ZNF468: variants seen among roughly 807,000 people sequenced by gnomAD.
ZNF468 encodes zinc finger protein 468.
In ZNF468, 8 loss-of-function variants were observed where a neutral mutation model predicts 7.2. The ratio of observed to expected loss-of-function variants is 1.11; its 90% CI spans 0.65 to 2.01. The LOEUF (loss-of-function observed/expected upper bound fraction) is 2.01, where lower values mean the gene tolerates loss of function less well. ZNF468 is among the 30% of genes most tolerant of loss of function. ZNF468 has a pLI of 0.00. For missense variants in ZNF468, 608 were observed against 626.5 expected, an observed-to-expected ratio of 0.97 and a Z score of 0.31; for synonymous variants, 218 against 214.4, an observed-to-expected ratio of 1.02 and a Z score of -0.15.
chr19:52,849,035 G>C, intron 3 of ZNF468, 52 bp downstream of exon 3: 1 of 1,602,304 alleles, frequency 6.2e-7, no homozygotes. Context: ...GACAATAAGA[G>C]AAAATGCAAA....
At position 52,841,666 on chromosome 19, in the gene ZNF468, T is replaced by G. The variant is rs58239286; in HGVS notation, c.628A>C (p.Met210Leu). 293,627 of 1,613,830 alleles carry G rather than the reference T, an allele frequency of 0.18. 30,249 individuals carry two copies. Among genetic ancestry groups the G allele is most frequent in the South Asian group, 0.36 (32,801 of 91,024 alleles). Residue 210 changes from methionine (M) to leucine (L), a missense_variant, in exon 4 of 4, where the codon ATG becomes CTG. Physicochemically the swap from Met to Leu is conservative, Grantham distance 15 (BLOSUM62 2). Transcript: ENST00000595646. Reference sequence around the variant, plus strand: ...ATACATTCAAAAGATTTTTCTCTCATGTGTACTTCCCATTTTTGTGTGAGT... The same window carrying G: ...ATACATTCAAAAGATTTTTCTCTCAGGTGTACTTCCCATTTTTGTGTGAGT... ...SLLTQKWEVH[M>L]REKSFECIQS...
chr19:52,854,196 T>C lies in ZNF468; in HGVS notation c.15+62A>G, dbSNP rs1348648015. 4 of 1,612,076 alleles carry C rather than the reference T, an allele frequency of 2.5e-6. No individual in the cohort carries two copies. In the African/African-American group the frequency reaches 5.3e-5, roughly 22 times the overall value. On this transcript the variant is annotated intron_variant, in intron 2 of 3. Coordinates refer to ENST00000595646, the MANE Select transcript of ZNF468 (RefSeq NM_001008801.2). ...TCATTCAGACCCAGACATTCCCAAC[T>C]CCAAGGCCCAGGGTATCTGAAAGGA...
rs2063299709 is a variant in ZNF468, at chr19:52,841,497, G to C, written c.797C>G (p.Thr266Ser). 1 of 1,614,154 alleles carries C rather than the reference G, an allele frequency of 6.2e-7. No individual in the cohort carries two copies. The highest frequency in any genetic ancestry group is 8.5e-7 in the Non-Finnish European group (1 of 1,180,018). ...ATTACACTTGTAAGGTTTCTCACCAGTGTGACATCTACGATGGCAGGCAAG... is the reference window on the plus strand; with the variant it reads ...ATTACACTTGTAAGGTTTCTCACCACTGTGACATCTACGATGGCAGGCAAG... ...RYLACHRRCH[T>S]GEKPYKCNEC... The change falls in exon 4 of 4, where the codon ACT becomes AGT. Residue 266 changes from threonine to serine, a missense_variant. Thr to Ser is a moderately conservative substitution (Grantham distance 58). Coordinates refer to ENST00000595646, the MANE Select transcript of ZNF468 (RefSeq NM_001008801.2).
chr19:52,842,769 T>C (rs62117471), intron 3 of ZNF468, among the ~76,000 whole-genome samples: 27,877 of 134,612 alleles, frequency 0.21, 3,179 homozygotes, highest in South Asian at 0.37. Flanking sequence ...TTAGCTAAGA[T>C]TGCATCACTC....
Position 52,839,567 on chromosome 19 carries a change from G to C in ZNF468, c.*1158C>G. 1 of 526,950 alleles carries C rather than the reference G, an allele frequency of 1.9e-6. No homozygotes were observed. The highest frequency in any genetic ancestry group is 3.8e-6 in the Non-Finnish European group (1 of 260,246). The allele number at this position is 526,950 out of a possible 1,614,324, so 32.6% of individuals were successfully genotyped here. On this transcript the variant is annotated 3_prime_UTR_variant, in exon 4 of 4. Coordinates refer to ENST00000595646, the MANE Select transcript of ZNF468 (RefSeq NM_001008801.2). ...TGTCTCCAAAAGGAATTGTCTGATG[G>C]TCTGCAAGGAGTGACCTTGGACTGA... is the stretch of plus-strand genomic sequence containing the variant.
chr19:52,851,526 G>A (rs145991405), intron 2 of ZNF468, among the ~76,000 whole-genome samples: 12 of 152,246 alleles, frequency 7.9e-5, no homozygotes, highest in East Asian at 7.7e-4. Context: ...GCAGTGAGCC[G>A]AGAACACCAC....
chr19:52,850,918 AAT>A (rs553797456), intron 2 of ZNF468, among the ~76,000 whole-genome samples: 16 of 148,850 alleles, frequency 1.1e-4, no homozygotes, highest in South Asian at 2.1e-4. Context: ...AATAATAATA[AAT>A]ATATATATAT....
rs933509858 is a variant in ZNF468, at chr19:52,838,225, A to G, written c.*2500T>C. ...ATAGTCAAGCAAATCAATGTGATAT[A>G]CCACTTGAACACAATGAAAGATGAA... On this transcript the variant is annotated 3_prime_UTR_variant, in exon 4 of 4. Coordinates refer to ENST00000595646, the MANE Select transcript of ZNF468 (RefSeq NM_001008801.2). 2.0e-5 allele frequency: 3 copies of G among 152,184 alleles called. No individual in the cohort carries two copies. Among genetic ancestry groups the G allele is most frequent in the East Asian group, 3.9e-4 (2 of 5,194 alleles). 9.4% of individuals were successfully genotyped at this position (152,184 alleles called of 1,614,324 possible).
At chr19:52,852,924 AGCTCACTGCAAGCTCTGCCTCCGAGG>A (rs1248246268) in intron 2 of ZNF468, among the ~76,000 whole-genome samples, 1 of 151,216 alleles carries the variant, frequency 6.6e-6, no homozygotes, top group Admixed American at 6.6e-5. Flanking sequence ...GTGCAATCTC[AGCTCACTGCAAGCTCTGCCTCCGAGG>A]TTCAAGTCAT....
intron 1 of ZNF468, 115 bp downstream of exon 1, chr19:52,857,457 T>C (rs2063450605): frequency 6.6e-6 from 1 of 152,322 alleles, no homozygotes; most frequent in South Asian, 2.1e-4. Context: ...CCATTTGCTC[T>C]GAGTGAAGGA....
Position 52,841,520 on chromosome 19 carries a change from A to C in ZNF468, c.774T>G (p.Leu258=), listed in dbSNP as rs1207162882. ...CGKVFNQKRY[L]ACHRRCHTGE... Reference sequence around the variant, plus strand: ...CAGTGTGACATCTACGATGGCAGGCAAGGTATCGCTTCTGATTAAAGACCT... The same window carrying C: ...CAGTGTGACATCTACGATGGCAGGCCAGGTATCGCTTCTGATTAAAGACCT... The change falls in exon 4 of 4, where the codon CTT becomes CTG. Residue 258 remains leucine (L), a synonymous_variant. Transcript: ENST00000595646. 6.2e-7 allele frequency: 1 copy of C among 1,614,020 alleles called. No individual in the cohort carries two copies. Among genetic ancestry groups the C allele is most frequent in the African/African-American group, 1.3e-5 (1 of 74,922 alleles).
At chr19:52,854,127 C>A (rs760776778) in intron 2 of ZNF468, 131 bp downstream of exon 2, 21 of 1,585,658 alleles carry the variant, frequency 1.3e-5, no homozygotes, top group Non-Finnish European at 1.7e-5. Context: ...ATGAGAGGGA[C>A]TGAAGGAAGG....
At chr19:52,846,767 C>T (rs754197991) in intron 3 of ZNF468, among the ~76,000 whole-genome samples, 10 of 152,002 alleles carry the variant, frequency 6.6e-5, no homozygotes, top group Non-Finnish European at 1.2e-4. Flanking sequence ...TTTGGGAATC[C>T]GAGGCAGGTG....
rs1022378757 is a variant in ZNF468 at position 52,839,574 on chromosome 19, A to G, written c.*1151T>C. On this transcript the variant is annotated 3_prime_UTR_variant, in exon 4 of 4. Transcript: ENST00000595646. ...AAAAGGAATTGTCTGATGGTCTGCA[A>G]GGAGTGACCTTGGACTGAAGACCCT... 7.5e-6 allele frequency: 4 copies of G among 533,792 alleles called. No homozygotes were observed. The African/African-American group carries it at 7.7e-5, about 10-fold the overall frequency. The allele number at this position is 533,792 out of a possible 1,614,324, so 33.1% of individuals were successfully genotyped here. A position where few individuals can be genotyped will look rare whatever the true frequency, so the allele number is the denominator to read the frequency against.
At chr19:52,852,270 G>T (rs2063396598) in intron 2 of ZNF468, among the ~76,000 whole-genome samples, 1 of 152,048 alleles carries the variant, frequency 6.6e-6, no homozygotes, top group Non-Finnish European at 1.5e-5. Context: ...AGAGTCTGAG[G>T]CAGGAGACTC....
At chr19:52,856,748 C>T (rs2063443668) in intron 1 of ZNF468, among the ~76,000 whole-genome samples, 1 of 150,812 alleles carries the variant, frequency 6.6e-6, no homozygotes, top group African/African-American at 2.4e-5. Context: ...TCTCCAGTTG[C>T]TTTTCTCCTC....
At chr19:52,852,900 G>C (rs1387861607) in intron 2 of ZNF468, among the ~76,000 whole-genome samples, 1 of 151,264 alleles carries the variant, frequency 6.6e-6, no homozygotes, top group Middle Eastern at 3.4e-3. Flanking sequence ...TGTTGCCCAG[G>C]CTGGAGTGCA....
Position 52,842,003 on chromosome 19 carries a change from G to A in ZNF468, c.291C>T (p.Phe97=), listed in dbSNP as rs1434422640. Reference sequence around the variant, plus strand: ...TTTCATCTTCTTTCCACTGAAACTCGAAGCCATGAATGTCTTTCTCAATTT... The same window carrying A: ...TTTCATCTTCTTTCCACTGAAACTCAAAGCCATGAATGTCTTTCTCAATTT... ...FHEIEKDIHG[F]EFQWKEDETN... is the part of the protein sequence containing the mutation. The change falls in exon 4 of 4, where the codon TTC becomes TTT. Residue 97 remains phenylalanine, a synonymous_variant. Transcript: ENST00000595646. 5 of 1,613,740 alleles carry A rather than the reference G, an allele frequency of 3.1e-6. No homozygotes were observed. In the South Asian group the frequency reaches 3.3e-5, roughly 11 times the overall value.
chr19:52,855,179 A>AC (rs2063426305), intron 1 of ZNF468, among the ~76,000 whole-genome samples: 1 of 60,060 alleles, frequency 1.7e-5, no homozygotes, highest in African/African-American at 1.3e-4. Context: ...AGTCTGTTTG[A>AC]AAAAAAAAAA....
Sources: gnomAD v4.1 joint callset for allele counts (sites outside exome capture counted in the v4.1 genomes callset) on GRCh38, gnomAD v4.1.1 for gene constraint, MANE v1.5 for transcripts, NCBI Gene and HGNC (gene_info 2026-07-23, HGNC 2026-07-21) for gene names.